SGCD: variants seen among roughly 807,000 people sequenced by gnomAD.
SGCD encodes delta-sarcoglycan.
Under a neutral mutation model 36.6 loss-of-function variants are expected in SGCD, and 18 were observed. That is an observed-to-expected ratio of 0.49 (90% CI 0.34 to 0.73). The LOEUF is 0.73. Among genes scored for constraint, SGCD ranks in the 30% least tolerant of loss-of-function variants. The pLI is 0.01. For missense variants in SGCD, 387 were observed against 346.7 expected, an observed-to-expected ratio of 1.12 and a Z score of -0.92; for synonymous variants, 133 against 130.6, an observed-to-expected ratio of 1.02 and a Z score of -0.12.
At chr5:156,682,052 T>A (rs746969660) in intron 7 of SGCD, among the ~76,000 whole-genome samples, 8 of 152,228 alleles carry the variant, frequency 5.3e-5, no homozygotes, top group Non-Finnish European at 1.0e-4. Context: ...GCTTAGAATC[T>A]ATATAAAAAG....
chr5:156,120,367 C>T (rs182252757), intron 2 of SGCD, among the ~76,000 whole-genome samples: 13 of 152,200 alleles, frequency 8.5e-5, no homozygotes, highest in East Asian at 1.9e-4. Flanking sequence ...TGTCAGCACA[C>T]GCTATATCAC....
chr5:156,510,398 T>C (rs1756879270), intron 4 of SGCD, among the ~76,000 whole-genome samples: 1 of 152,208 alleles, frequency 6.6e-6, no homozygotes, highest in Non-Finnish European at 1.5e-5. Flanking sequence ...ATCTGTTATA[T>C]GCATTGCTCT....
intron 1 of SGCD, among the ~76,000 whole-genome samples, chr5:156,014,866 T>C (rs1031416729): frequency 6.6e-6 from 1 of 152,210 alleles, no homozygotes; most frequent in African/African-American, 2.4e-5. Flanking sequence ...CACTTTGGGT[T>C]TGAAAATGCT....
At chr5:156,214,951 A>T (rs1386866843) in intron 3 of SGCD, among the ~76,000 whole-genome samples, 1 of 152,104 alleles carries the variant, frequency 6.6e-6, no homozygotes, top group African/African-American at 2.4e-5. Flanking sequence ...TAAAATCAAA[A>T]TGTATTAAAG....
intron 6 of SGCD, among the ~76,000 whole-genome samples, chr5:156,602,003 G>A (rs1216353616): frequency 1.3e-5 from 2 of 151,972 alleles, no homozygotes; most frequent in African/African-American, 4.8e-5. Flanking sequence ...TTTTTGATAG[G>A]GATTGCATTA....
intron 1 of SGCD, among the ~76,000 whole-genome samples, chr5:155,884,266 G>GGCTTGAC (rs932018981): frequency 6.6e-6 from 1 of 152,094 alleles, no homozygotes; most frequent in Admixed American, 6.5e-5. Context: ...GTCTTTCTGT[G>GGCTTGAC]TCTGGAAGAG....
intron 6 of SGCD, among the ~76,000 whole-genome samples, chr5:156,643,882 A>G: frequency 6.6e-6 from 1 of 152,150 alleles, no homozygotes. Context: ...TTTTACCTCA[A>G]ACCTTATTCA....
intron 3 of SGCD, among the ~76,000 whole-genome samples, chr5:156,220,967 A>T (rs1018094671): frequency 3.3e-5 from 5 of 152,152 alleles, no homozygotes; most frequent in Admixed American, 6.6e-5. Flanking sequence ...GGTGGATGTC[A>T]CAAACAGGAG....
At chr5:156,694,795 A>T (rs1355381361) in intron 7 of SGCD, among the ~76,000 whole-genome samples, 1 of 152,144 alleles carries the variant, frequency 6.6e-6, no homozygotes, top group Non-Finnish European at 1.5e-5. Context: ...CCACTGAGAA[A>T]AAAGGAATGT....
At chr5:156,716,465 G>A (rs1440478236) in intron 7 of SGCD, among the ~76,000 whole-genome samples, 1 of 152,232 alleles carries the variant, frequency 6.6e-6, no homozygotes, top group Non-Finnish European at 1.5e-5. Flanking sequence ...CCTGTGGTCA[G>A]ACAAGCTGTC....
chr5:156,265,331 A>T (rs191165985), intron 3 of SGCD, among the ~76,000 whole-genome samples: 6 of 152,312 alleles, frequency 3.9e-5, no homozygotes, highest in African/African-American at 1.2e-4. Context: ...AGTGATGGAT[A>T]GGAAGATTCT....
intron 1 of SGCD, among the ~76,000 whole-genome samples, chr5:155,933,257 C>T (rs1373638080): frequency 6.6e-6 from 1 of 152,160 alleles, no homozygotes; most frequent in Non-Finnish European, 1.5e-5. Flanking sequence ...GTCACAAATG[C>T]CCTGTCCCAC....
At chr5:156,493,543 C>T (rs1756038473) in intron 3 of SGCD, among the ~76,000 whole-genome samples, 1 of 152,110 alleles carries the variant, frequency 6.6e-6, no homozygotes, top group Non-Finnish European at 1.5e-5. Context: ...ATTACCCCAA[C>T]TCTGGATATC....
At chr5:155,909,701 G>T (rs193160221) in intron 1 of SGCD, among the ~76,000 whole-genome samples, 1 of 152,242 alleles carries the variant, frequency 6.6e-6, no homozygotes, top group South Asian at 2.1e-4. Context: ...CCCTTAAATT[G>T]AGTGAGAGGC....
intron 3 of SGCD, among the ~76,000 whole-genome samples, chr5:156,286,969 G>A (rs1766621609): frequency 6.6e-6 from 1 of 152,068 alleles, no homozygotes; most frequent in African/African-American, 2.4e-5. Context: ...TGATCACTCT[G>A]TGTTAATGGA....
intron 5 of SGCD, among the ~76,000 whole-genome samples, chr5:156,589,810 G>A (rs1335192382): frequency 5.3e-5 from 8 of 152,190 alleles, no homozygotes. Flanking sequence ...TGCAGGATGT[G>A]GATGTATCTT....
At chr5:155,996,622 A>T (rs566947600) in intron 1 of SGCD, among the ~76,000 whole-genome samples, 2 of 152,114 alleles carry the variant, frequency 1.3e-5, no homozygotes, top group South Asian at 4.2e-4. Context: ...TACTAAAAAT[A>T]CAAAAATTAG....
chr5:156,080,587 T>G (rs1224831605), intron 1 of SGCD, among the ~76,000 whole-genome samples: 1 of 152,226 alleles, frequency 6.6e-6, no homozygotes, highest in Admixed American at 6.5e-5. Context: ...CTTGAATGCT[T>G]TGCTGCTTAG....
chr5:156,144,219 G>A (rs1479535851), intron 3 of SGCD, among the ~76,000 whole-genome samples: 1 of 152,048 alleles, frequency 6.6e-6, no homozygotes. Context: ...TGTCTTTATA[G>A]CAGCATGATT....
Sources: allele counts gnomAD v4.1 joint callset (sites outside exome capture counted in the v4.1 genomes callset), GRCh38; gene constraint gnomAD v4.1.1; transcripts MANE v1.5; gene names NCBI Gene and HGNC (gene_info 2026-07-23, HGNC 2026-07-21).